Variants in LHFPL3 observed in about 807,000 individuals in gnomAD.
The protein encoded by LHFPL3 is LHFPL tetraspan subfamily member 3 protein.
LHFPL3 carries 5 observed loss-of-function variants against 19.3 expected under a neutral mutation model. The ratio of observed to expected loss-of-function variants is 0.26; its 90% CI spans 0.14 to 0.54. LHFPL3 has a LOEUF of 0.54. Among genes scored for constraint, LHFPL3 ranks in the 20% least tolerant of loss-of-function variants. LHFPL3 has a pLI of 0.94. For synonymous variants in LHFPL3, 133 were observed against 126.2 expected (o/e 1.05, Z -0.36); for missense variants, 249 against 307.4 (o/e 0.81, Z 1.42).
intron 1 of LHFPL3, among the ~76,000 whole-genome samples, chr7:104,380,838 A>C (rs1790813015): frequency 1.3e-5 from 2 of 152,308 alleles, no homozygotes; most frequent in East Asian, 3.9e-4. Flanking sequence ...GCCAAGAAAG[A>C]AATTAATAAA....
intron 1 of LHFPL3, among the ~76,000 whole-genome samples, chr7:104,723,244 C>G (rs1562973362): frequency 6.6e-6 from 1 of 152,120 alleles, no homozygotes; most frequent in Admixed American, 6.5e-5. Context: ...CACAGAGATT[C>G]CTTTCAGAAT....
chr7:104,468,634 A>G (rs928389134), intron 1 of LHFPL3, among the ~76,000 whole-genome samples: 12 of 151,504 alleles, frequency 7.9e-5, no homozygotes, highest in African/African-American at 1.7e-4. Context: ...CAAATTTCCC[A>G]AAGTAGAAAG....
intron 2 of LHFPL3, among the ~76,000 whole-genome samples, chr7:104,873,583 A>C (rs1343920959): frequency 1.3e-5 from 2 of 152,198 alleles, no homozygotes; most frequent in Non-Finnish European, 2.9e-5. Flanking sequence ...AGCTACGATC[A>C]CGTCGCTGCA....
At chr7:104,813,145 G>C (rs1277979446) in intron 2 of LHFPL3, among the ~76,000 whole-genome samples, 2 of 152,024 alleles carry the variant, frequency 1.3e-5, no homozygotes, top group African/African-American at 4.8e-5. Context: ...GGGTGTGAGA[G>C]TGCACAACTG....
At chr7:104,624,143 A>G (rs1432013326) in intron 1 of LHFPL3, among the ~76,000 whole-genome samples, 2 of 152,206 alleles carry the variant, frequency 1.3e-5, no homozygotes, top group African/African-American at 4.8e-5. Flanking sequence ...GCATTCAGGA[A>G]GTAGTGACCT....
intron 1 of LHFPL3, among the ~76,000 whole-genome samples, chr7:104,598,695 T>C (rs1399897266): frequency 2.6e-5 from 4 of 152,224 alleles, no homozygotes; most frequent in African/African-American, 9.6e-5. Context: ...TCTCTACTCA[T>C]AACAATGCTC....
chr7:104,397,573 C>A (rs1224693782), intron 1 of LHFPL3, among the ~76,000 whole-genome samples: 1 of 152,074 alleles, frequency 6.6e-6, no homozygotes, highest in East Asian at 1.9e-4. Flanking sequence ...CCCCGGGGGA[C>A]GGCACTTTCC....
intron 2 of LHFPL3, among the ~76,000 whole-genome samples, chr7:104,767,741 C>T (rs1157733573): frequency 6.6e-6 from 1 of 152,074 alleles, no homozygotes; most frequent in Non-Finnish European, 1.5e-5. Flanking sequence ...GTACCAAATC[C>T]ACGGGTTGGC....
intron 2 of LHFPL3, among the ~76,000 whole-genome samples, chr7:104,837,982 A>G (rs1168464538): frequency 6.6e-6 from 1 of 152,230 alleles, no homozygotes; most frequent in East Asian, 1.9e-4. Flanking sequence ...ACAAACAATT[A>G]TAACCTTGTT....
At chr7:104,657,355 T>C (rs11977439) in intron 1 of LHFPL3, among the ~76,000 whole-genome samples, 11,299 of 152,304 alleles carry the variant, frequency 0.074, 648 homozygotes, top group African/African-American at 0.15. Context: ...TTCTGAGCCA[T>C]GTGTAGCTAA....
At chr7:104,675,112 A>G (rs1244895183) in intron 1 of LHFPL3, among the ~76,000 whole-genome samples, 4 of 152,254 alleles carry the variant, frequency 2.6e-5, no homozygotes, top group African/African-American at 9.6e-5. Flanking sequence ...GGAGAAAAAT[A>G]AAGCAGAGTG....
chr7:104,873,962 G>A (rs1240933233), intron 2 of LHFPL3, among the ~76,000 whole-genome samples: 1 of 152,226 alleles, frequency 6.6e-6, no homozygotes, highest in Non-Finnish European at 1.5e-5. Flanking sequence ...CTGGAGGGCT[G>A]GTAGTGAAGT....
chr7:104,561,767 C>A (rs903365458), intron 1 of LHFPL3, among the ~76,000 whole-genome samples: 3 of 152,114 alleles, frequency 2.0e-5, no homozygotes, highest in African/African-American at 7.2e-5. Flanking sequence ...GATGCAGTTT[C>A]TTCCTAGTCT....
intron 1 of LHFPL3, among the ~76,000 whole-genome samples, chr7:104,696,014 G>C (rs544608001): frequency 2.6e-5 from 4 of 152,066 alleles, no homozygotes; most frequent in Non-Finnish European, 5.9e-5. Flanking sequence ...GCAGTGGCAC[G>C]ATCTTGGCTC....
At position 104,794,500 on chromosome 7, in the gene LHFPL3, C is replaced by T. The variant is rs903361961; in HGVS notation, c.682+57589C>T. 2.0e-5 allele frequency among the ~76,000 whole-genome samples: 3 copies of T among 152,178 alleles called. 1 individual carries two copies. The Middle Eastern group carries it at 0.01, about 518-fold the overall frequency. On this transcript the variant is annotated intron_variant, in intron 2 of 2. Coordinates refer to ENST00000424859, the MANE Select transcript of LHFPL3 (RefSeq NM_199000.3). ...AATTACGGTGGCTGTCAGTGTGAGC[C>T]CTACTTTAAAAGCAGATGTTCATCA...
chr7:104,715,865 T>C (rs903373740), intron 1 of LHFPL3, among the ~76,000 whole-genome samples: 9 of 152,218 alleles, frequency 5.9e-5, no homozygotes, highest in African/African-American at 2.2e-4. Context: ...TTCCTTGTGG[T>C]GTCTTTGCCT....
chr7:104,460,193 T>A (rs1257585236), intron 1 of LHFPL3, among the ~76,000 whole-genome samples: 1 of 152,246 alleles, frequency 6.6e-6, no homozygotes, highest in African/African-American at 2.4e-5. Context: ...TTCTTTTTTA[T>A]GACTGCATAG....
At chr7:104,859,857 G>A (rs1791581000) in intron 2 of LHFPL3, among the ~76,000 whole-genome samples, 1 of 152,120 alleles carries the variant, frequency 6.6e-6, no homozygotes, top group African/African-American at 2.4e-5. Context: ...TGATAATGAT[G>A]TGTCAATGTA....
At chr7:104,440,470 G>C (rs942230918) in intron 1 of LHFPL3, among the ~76,000 whole-genome samples, 3 of 151,440 alleles carry the variant, frequency 2.0e-5, no homozygotes, top group Admixed American at 6.6e-5. Flanking sequence ...TGTAAATGAC[G>C]AGTTAATGGG....
Sources: gnomAD v4.1 joint callset for allele counts (sites outside exome capture counted in the v4.1 genomes callset) on GRCh38, gnomAD v4.1.1 for gene constraint, MANE v1.5 for transcripts, NCBI Gene and HGNC (gene_info 2026-07-23, HGNC 2026-07-21) for gene names.